The following PTPRD variants were observed in gnomAD, a reference collection of about 807,000 sequenced individuals.
PTPRD encodes the protein receptor-type tyrosine-protein phosphatase delta.
Under a neutral mutation model 214.5 loss-of-function variants are expected in PTPRD, and 34 were observed. The observed-to-expected ratio is 0.16, with a 90% CI of 0.12 to 0.21. The LOEUF (loss-of-function observed/expected upper bound fraction) is 0.21. PTPRD is among the 10% of genes least tolerant of loss of function. The pLI is 1.00. For synonymous variants in PTPRD, 1,128 were observed against 845.7 expected (o/e 1.33, Z -5.79); for missense variants, 2,545 against 2,398.7 (o/e 1.06, Z -1.27).
intron 2 of PTPRD, among the ~76,000 whole-genome samples, chr9:10,411,949 A>G (rs1055599849): frequency 5.3e-5 from 8 of 151,830 alleles, no homozygotes; most frequent in African/African-American, 1.7e-4. Context: ...AAGTACTTAA[A>G]TTGTTCTTAA....
chr9:10,313,141 G>T (rs1250220792), intron 3 of PTPRD, among the ~76,000 whole-genome samples: 1 of 151,804 alleles, frequency 6.6e-6, no homozygotes, highest in Non-Finnish European at 1.5e-5. Context: ...ACAGAAATTT[G>T]AAAAGAAATG....
chr9:9,532,996 C>A (rs747356015), intron 8 of PTPRD, among the ~76,000 whole-genome samples: 2 of 152,122 alleles, frequency 1.3e-5, no homozygotes, highest in Non-Finnish European at 2.9e-5. Context: ...TCAGTGAAGA[C>A]AGTGCAGAAG....
intron 2 of PTPRD, among the ~76,000 whole-genome samples, chr9:10,494,140 T>C (rs78314136): frequency 6.6e-6 from 1 of 152,078 alleles, no homozygotes; most frequent in East Asian, 1.9e-4. Context: ...TATATTTACA[T>C]AATCAGTTCA....
intron 11 of PTPRD, among the ~76,000 whole-genome samples, chr9:8,851,521 T>G (rs1385678207): frequency 6.6e-6 from 1 of 152,138 alleles, no homozygotes; most frequent in South Asian, 2.1e-4. Flanking sequence ...AGGAAAAACG[T>G]ACACAAAACA....
At chr9:8,615,709 T>C (rs1435808095) in intron 14 of PTPRD, among the ~76,000 whole-genome samples, 1 of 151,930 alleles carries the variant, frequency 6.6e-6, no homozygotes, top group Non-Finnish European at 1.5e-5. Context: ...TATTCTAACT[T>C]AAAATTAGGA....
chr9:9,913,644 C>A (rs2079857385), intron 5 of PTPRD, among the ~76,000 whole-genome samples: 1 of 152,130 alleles, frequency 6.6e-6, no homozygotes, highest in Non-Finnish European at 1.5e-5. Flanking sequence ...TCAGGAGGGA[C>A]TTCCTATTGC....
intron 9 of PTPRD, among the ~76,000 whole-genome samples, chr9:9,273,998 ATCC>A (rs1451688081): frequency 6.6e-6 from 1 of 151,250 alleles, no homozygotes; most frequent in Non-Finnish European, 1.5e-5. Flanking sequence ...ATCCTGCCAC[ATCC>A]TCCTATGATC....
intron 2 of PTPRD, among the ~76,000 whole-genome samples, chr9:10,362,992 T>C (rs1446265978): frequency 6.6e-6 from 1 of 152,208 alleles, no homozygotes; most frequent in Non-Finnish European, 1.5e-5. Context: ...ATTTTTGGAA[T>C]AGAAGTCTGC....
intron 2 of PTPRD, among the ~76,000 whole-genome samples, chr9:10,488,016 C>T (rs1223242353): frequency 7.2e-6 from 1 of 139,554 alleles, no homozygotes; most frequent in Non-Finnish European, 1.6e-5. Context: ...CTGTTCTGAA[C>T]CACCTGGAGC....
intron 2 of PTPRD, among the ~76,000 whole-genome samples, chr9:10,379,864 C>T (rs1454849100): frequency 6.6e-6 from 1 of 151,916 alleles, no homozygotes; most frequent in African/African-American, 2.4e-5. Flanking sequence ...TATATTTTGT[C>T]TGATTCTTTT....
At chr9:9,502,750 G>T (rs1178760144) in intron 8 of PTPRD, among the ~76,000 whole-genome samples, 1 of 151,792 alleles carries the variant, frequency 6.6e-6, no homozygotes, top group Non-Finnish European at 1.5e-5. Flanking sequence ...TTATAAAAAA[G>T]GAGCAAATTG....
At chr9:10,454,939 A>C (rs2098896194) in intron 2 of PTPRD, among the ~76,000 whole-genome samples, 1 of 151,796 alleles carries the variant, frequency 6.6e-6, no homozygotes, top group African/African-American at 2.4e-5. Flanking sequence ...CCTCAGTAAC[A>C]GGCAAGAAAT....
chr9:8,484,188 A>T lies in PTPRD; in HGVS notation c.3344T>A (p.Ile1115Asn), dbSNP rs150953872. The change falls in exon 30 of 46, where the codon ATT becomes AAT. Residue 1115 changes from isoleucine (I) to asparagine (N), a missense_variant. Physicochemically the swap from Ile to Asn is moderately radical, Grantham distance 149. Coordinates refer to ENST00000381196, the MANE Select transcript of PTPRD (RefSeq NM_002839.4). ...PDVLRTKPAF[I>N]GKTNLDGMIT... is the part of the protein sequence containing the mutation. ...CATGCCATCCAAGTTGGTCTTCCCAATGAAGGCAGGCTTGGTACGTAATAC... is the reference window on the plus strand; with the variant it reads ...CATGCCATCCAAGTTGGTCTTCCCATTGAAGGCAGGCTTGGTACGTAATAC... The T allele has an allele frequency of 7.4e-6, 12 of 1,614,066 alleles. 1 individual carries two copies. The highest frequency in any genetic ancestry group is 3.3e-4 in the Middle Eastern group (2 of 6,084).
intron 5 of PTPRD, among the ~76,000 whole-genome samples, chr9:9,824,472 A>C (rs2051965736): frequency 6.6e-6 from 1 of 152,040 alleles, no homozygotes; most frequent in African/African-American, 2.4e-5. Flanking sequence ...TATTACATGA[A>C]TACAGCTTTA....
At chr9:9,106,197 A>C (rs760477037) in intron 10 of PTPRD, among the ~76,000 whole-genome samples, 8 of 151,892 alleles carry the variant, frequency 5.3e-5, no homozygotes, top group Admixed American at 2.6e-4. Context: ...CATTTAATCT[A>C]TGTTGAATCC....
At chr9:8,351,580 C>T (rs2075460127) in intron 39 of PTPRD, among the ~76,000 whole-genome samples, 2 of 151,796 alleles carry the variant, frequency 1.3e-5, no homozygotes, top group African/African-American at 4.8e-5. Flanking sequence ...CTCAGGAATA[C>T]TGCCTTGCTC....
At chr9:8,889,254 G>C (rs13296381) in intron 11 of PTPRD, among the ~76,000 whole-genome samples, 32,359 of 152,004 alleles carry the variant, frequency 0.21, 4,205 homozygotes, top group Non-Finnish European at 0.29. Context: ...TAGAATGAGA[G>C]TGAGAAAGAG....
chr9:9,918,705 A>T (rs1353311051), intron 5 of PTPRD, among the ~76,000 whole-genome samples: 1 of 142,694 alleles, frequency 7.0e-6, no homozygotes, highest in Non-Finnish European at 1.5e-5. Flanking sequence ...ATAAAAACAG[A>T]AAGAGACCAA....
rs1306403766 is a variant in PTPRD at position 8,934,421 on chromosome 9, G to GTGTGTGTGTA, written c.-104+84275_-104+84276insTACACACACA. On this transcript the variant is annotated intron_variant, in intron 11 of 45. Transcript: ENST00000381196. ...TGTGTGTGTGTGTGTGTGTGTGTGT[G>GTGTGTGTGTA]TATATATATATATAAATATATATAT... 3.1e-3 allele frequency among the ~76,000 whole-genome samples: 85 copies of GTGTGTGTGTA among 27,326 alleles called. 3 individuals are homozygous for GTGTGTGTGTA. The highest frequency in any genetic ancestry group is 0.015 in the African/African-American group (78 of 5,218). The allele number at this position is 27,326 out of a possible 152,430, so 17.9% of individuals were successfully genotyped here.
Sources: gnomAD v4.1 joint callset for allele counts (sites outside exome capture counted in the v4.1 genomes callset) on GRCh38, gnomAD v4.1.1 for gene constraint, MANE v1.5 for transcripts, NCBI Gene and HGNC (gene_info 2026-07-23, HGNC 2026-07-21) for gene names.